The following LCOR variants were observed in gnomAD, a reference collection of about 807,000 sequenced individuals.
The protein encoded by LCOR is ligand dependent nuclear receptor corepressor, also known as ligand-dependent corepressor.
Under a neutral mutation model 64.4 loss-of-function variants are expected in LCOR, and 14 were observed. The ratio of observed to expected loss-of-function variants is 0.22; its 90% CI spans 0.14 to 0.34. The LOEUF is 0.34. LCOR is among the 10% of genes least tolerant of loss of function. LCOR has a pLI of 1.00. For missense variants in LCOR, 1,686 were observed against 1,765.3 expected (o/e 0.96, Z 0.80); for synonymous variants, 643 against 642.5 (o/e 1.00, Z -0.01).
chr10:96,849,215 C>T (rs1470056968), intron 2 of LCOR, among the ~76,000 whole-genome samples: 1 of 151,760 alleles, frequency 6.6e-6, no homozygotes, highest in Admixed American at 6.6e-5. Context: ...CTGGGACTTA[C>T]AGGTGTGCAC....
intron 4 of LCOR, among the ~76,000 whole-genome samples, chr10:96,920,432 G>GTATATATA (rs1847030043): frequency 6.5e-4 from 2 of 3,056 alleles, no homozygotes; most frequent in Non-Finnish European, 9.9e-4. Context: ...TCATATATAT[G>GTATATATA]TGTATATATG....
At chr10:96,958,494 G>A in intron 7 of LCOR, 5 of 839,164 alleles carry the variant, frequency 6.0e-6, no homozygotes, top group Non-Finnish European at 9.8e-6. Flanking sequence ...TGTCATTTCA[G>A]ATTGTAGGCT....
chr10:96,975,871 C>T (rs1351875356), intron 7 of LCOR, among the ~76,000 whole-genome samples: 3 of 151,876 alleles, frequency 2.0e-5, no homozygotes, highest in Non-Finnish European at 2.9e-5. Context: ...AAAAGCTAGC[C>T]GGACGTGGTG....
chr10:96,920,384 A>ATATATATGTGTATATATGTG lies in LCOR; in HGVS notation c.-184+12647_-184+12666dup, dbSNP rs143044858. Among the ~76,000 whole-genome samples the ATATATATGTGTATATATGTG allele has an allele frequency of 3.4e-5, 5 of 146,908 alleles. No homozygotes were observed. The South Asian group carries it at 1.1e-3, about 31-fold the overall frequency. ...TGTTAAATTGTAGTTCTTCATTCATATATATATGTGTATATATGTGTATAT... is the reference window on the plus strand; with the variant it reads ...TGTTAAATTGTAGTTCTTCATTCATATATATATGTGTATATATGTGTATATATGTGTATATATGTGTATAT... On this transcript the variant is annotated intron_variant, in intron 4 of 7. Transcript: ENST00000421806.
intron 2 of LCOR, among the ~76,000 whole-genome samples, chr10:96,846,072 T>C (rs1845624102): frequency 6.6e-6 from 1 of 151,808 alleles, no homozygotes; most frequent in South Asian, 2.1e-4. Flanking sequence ...CTGGGCATGG[T>C]GGTGTACAGC....
At chr10:96,840,108 A>G (rs1845514181) in intron 2 of LCOR, among the ~76,000 whole-genome samples, 1 of 152,206 alleles carries the variant, frequency 6.6e-6, no homozygotes. Flanking sequence ...GTCAGGTATA[A>G]TGATGTCTTA....
intron 4 of LCOR, among the ~76,000 whole-genome samples, chr10:96,912,820 A>G (rs1846867774): frequency 1.3e-5 from 2 of 152,134 alleles, no homozygotes; most frequent in Admixed American, 6.5e-5. Flanking sequence ...ATGATTTTCT[A>G]TTTCCATAAT....
chr10:96,923,517 A>G (rs1420246811), intron 4 of LCOR, among the ~76,000 whole-genome samples: 1 of 152,186 alleles, frequency 6.6e-6, no homozygotes, highest in African/African-American at 2.4e-5. Flanking sequence ...CCTCTCAAAT[A>G]GAAAATAAGT....
chr10:96,860,880 C>T (rs1465676217), intron 2 of LCOR, among the ~76,000 whole-genome samples: 8 of 152,080 alleles, frequency 5.3e-5, no homozygotes, highest in Non-Finnish European at 7.4e-5. Context: ...TAAAGTGAAA[C>T]GCCTACAGTA....
At chr10:96,869,731 C>T (rs534966874) in intron 2 of LCOR, among the ~76,000 whole-genome samples, 14 of 152,050 alleles carry the variant, frequency 9.2e-5, no homozygotes, top group African/African-American at 2.4e-4. Flanking sequence ...CACACCACCA[C>T]GTTCAGCTAT....
intron 2 of LCOR, among the ~76,000 whole-genome samples, chr10:96,874,132 G>A (rs545992918): frequency 5.9e-5 from 9 of 152,262 alleles, no homozygotes; most frequent in East Asian, 5.8e-4. Flanking sequence ...TATATATCGC[G>A]TGCTATAAAA....
intron 2 of LCOR, among the ~76,000 whole-genome samples, chr10:96,888,280 G>A (rs961833542): frequency 2.9e-5 from 4 of 137,370 alleles, no homozygotes; most frequent in Admixed American, 2.6e-4. Context: ...CAGGAGAATC[G>A]CTTGAACCCG....
At chr10:96,929,821 C>A (rs945173143) in intron 4 of LCOR, among the ~76,000 whole-genome samples, 1 of 152,118 alleles carries the variant, frequency 6.6e-6, no homozygotes, top group African/African-American at 2.4e-5. Flanking sequence ...CACTAGAGGT[C>A]ATTGTAAAGT....
At chr10:96,872,689 A>G (rs1846091675) in intron 2 of LCOR, among the ~76,000 whole-genome samples, 1 of 152,196 alleles carries the variant, frequency 6.6e-6, no homozygotes, top group South Asian at 2.1e-4. Context: ...AAACAAAAAA[A>G]CAGGAAAATT....
chr10:96,854,386 C>T (rs953229351), intron 2 of LCOR, among the ~76,000 whole-genome samples: 1 of 152,236 alleles, frequency 6.6e-6, no homozygotes. Flanking sequence ...AGTGCAGTGG[C>T]GTGATCTCGG....
intron 7 of LCOR, chr10:96,961,416 C>CT (rs1564640117): frequency 6.6e-6 from 1 of 151,988 alleles, no homozygotes; most frequent in East Asian, 1.9e-4. Flanking sequence ...TTTACCCCAT[C>CT]TTGAACTGTC....
chr10:96,869,835 AG>A (rs1846041930), intron 2 of LCOR, among the ~76,000 whole-genome samples: 2 of 152,166 alleles, frequency 1.3e-5, no homozygotes, highest in South Asian at 4.1e-4. Context: ...TTGGCCTCCC[AG>A]AGTGCTGGGA....
intron 2 of LCOR, among the ~76,000 whole-genome samples, chr10:96,845,624 C>T (rs184770716): frequency 1.3e-3 from 201 of 151,246 alleles, no homozygotes; most frequent in Admixed American, 3.8e-3. Flanking sequence ...CTCGCCACCT[C>T]GCCCGGCTAA....
chr10:96,920,630 A>ATATT (rs1564626293), intron 4 of LCOR, among the ~76,000 whole-genome samples: 3 of 147,250 alleles, frequency 2.0e-5, no homozygotes, highest in African/African-American at 5.0e-5. Context: ...ATATGTATGT[A>ATATT]CATTCATATA....
Sources: gnomAD v4.1 joint callset for allele counts (sites outside exome capture counted in the v4.1 genomes callset) on GRCh38, gnomAD v4.1.1 for gene constraint, MANE v1.5 for transcripts, NCBI Gene and HGNC (gene_info 2026-07-23, HGNC 2026-07-21) for gene names.